Variants in ERCC3 observed in about 807,000 individuals in gnomAD.
The protein encoded by ERCC3 is ERCC excision repair 3, TFIIH core complex helicase subunit.
Under a neutral mutation model 94.2 loss-of-function variants are expected in ERCC3, and 66 were observed. That is an observed-to-expected ratio of 0.70 (90% CI 0.57 to 0.86). The LOEUF (loss-of-function observed/expected upper bound fraction) is 0.86, where lower values mean the gene tolerates loss of function less well. ERCC3 is among the 40% of genes least tolerant of loss of function. The probability of loss-of-function intolerance (pLI) is 0.00; values close to 1 mark genes in which losing one functional copy is unlikely to be tolerated. For synonymous variants in ERCC3, 349 were observed against 369.1 expected (o/e 0.95, Z 0.63); for missense variants, 829 against 987.1 (o/e 0.84, Z 2.15).
Position 127,259,431 on chromosome 2 carries a change from A to T in ERCC3, c.2082T>A (p.Ala694=). Reference sequence around the variant, plus strand: ...ACGCCAAGTCTTCCTCCTCCATGCCAGCGAGTTTCGTGATCACCTGCAAAG... The same window carrying T: ...ACGCCAAGTCTTCCTCCTCCATGCCTGCGAGTTTCGTGATCACCTGCAAAG... The part of the protein sequence containing the change: ...GYSFKVITKL[A]GMEEEDLAFS... Residue 694 remains alanine (A), a synonymous_variant, in exon 14 of 15, where the codon GCT becomes GCA. Coordinates refer to ENST00000285398, the MANE Select transcript of ERCC3 (RefSeq NM_000122.2). The surrounding 1 kb of genome is among the most constrained non-coding windows in gnomAD (Gnocchi z 4.9). 4 of 1,614,150 alleles carry T rather than the reference A, an allele frequency of 2.5e-6. No individual in the cohort carries two copies. Among genetic ancestry groups the T allele is most frequent in the Non-Finnish European group, 3.4e-6 (4 of 1,180,004 alleles).
At chr2:127,287,551 T>C (rs1305498502) in intron 7 of ERCC3, among the ~76,000 whole-genome samples, 2 of 152,144 alleles carry the variant, frequency 1.3e-5, no homozygotes, top group African/African-American at 4.8e-5. Flanking sequence ...GGAGAATATC[T>C]TGAACCCAGT....
At chr2:127,289,304 T>G (rs749337248) in intron 6 of ERCC3, 33 bp downstream of exon 6, 2 of 1,605,988 alleles carry the variant, frequency 1.2e-6, no homozygotes, top group Admixed American at 3.3e-5. Flanking sequence ...AGCAGCTCAG[T>G]GAAGGAACCA....
chr2:127,287,556 C>T (rs1434290329), intron 7 of ERCC3, among the ~76,000 whole-genome samples: 1 of 152,138 alleles, frequency 6.6e-6, no homozygotes, highest in Non-Finnish European at 1.5e-5. Flanking sequence ...ATATCTTGAA[C>T]CCAGTAGGCG....
intron 12 of ERCC3, among the ~76,000 whole-genome samples, chr2:127,265,963 G>C (rs1684345407): frequency 1.3e-5 from 2 of 152,008 alleles, no homozygotes; most frequent in Admixed American, 6.6e-5. Flanking sequence ...CTGTACCCCA[G>C]AGATTTAGTA....
rs971697310 is a variant in ERCC3 at position 127,271,852 on chromosome 2, T to G, written c.1828-399A>C. Among the ~76,000 whole-genome samples the G allele has an allele frequency of 2.6e-5, 4 of 152,088 alleles. No homozygotes were observed. The highest frequency in any genetic ancestry group is 9.7e-5 in the African/African-American group (4 of 41,410). On this transcript the variant is annotated intron_variant, in intron 11 of 14. Transcript: ENST00000285398. This position sits in a 1 kb window ranked among gnomAD's most constrained non-coding sequence, Gnocchi z 5.0. ...TGGCCACTGACACCAGCAGCACACGTGGGATGTGACCTGGGAGGAACAACT... is the reference window on the plus strand; with the variant it reads ...TGGCCACTGACACCAGCAGCACACGGGGGATGTGACCTGGGAGGAACAACT...
chr2:127,288,873 A>C lies in ERCC3; in HGVS notation c.823-9T>G. 37 of 1,604,180 alleles carry C rather than the reference A, an allele frequency of 2.3e-5. No homozygotes were observed. The highest frequency in any genetic ancestry group is 3.1e-5 in the Non-Finnish European group (36 of 1,171,652). ...AGTTCCTCAATCATTTCCTGGAAAG[A>C]GGGCACAAAAGGGGTTTTAAAATCT... On this transcript the variant is annotated splice_polypyrimidine_tract_variant and intron_variant, in intron 6 of 14. Transcript: ENST00000285398.
rs1684841857 is a variant in ERCC3 at position 127,279,539 on chromosome 2, A to G, written c.1528-164T>C. On this transcript the variant is annotated intron_variant, in intron 9 of 14. Coordinates refer to ENST00000285398, the MANE Select transcript of ERCC3 (RefSeq NM_000122.2). The surrounding 1 kb of genome is among the most constrained non-coding windows in gnomAD (Gnocchi z 4.7). The stretch of plus-strand genomic sequence containing the variant: ...CAGTTTGGGAGGCTGAGGCAGGCAG[A>G]TCACTTGAGGCCAGGAGTTCAAGAC... Among the ~76,000 whole-genome samples, 1 of 152,220 alleles carries G rather than the reference A, an allele frequency of 6.6e-6. No homozygotes were observed. Among genetic ancestry groups the G allele is most frequent in the Non-Finnish European group, 1.5e-5 (1 of 68,034 alleles).
intron 11 of ERCC3, among the ~76,000 whole-genome samples, chr2:127,272,153 T>C (rs4150493): frequency 0.012 from 1,866 of 151,204 alleles, 38 homozygotes; most frequent in African/African-American, 0.043. Flanking sequence ...GCCTCCTGAG[T>C]AGTTGGGATT....
At chr2:127,269,638 G>A (rs566285234) in intron 12 of ERCC3, among the ~76,000 whole-genome samples, 4 of 151,238 alleles carry the variant, frequency 2.6e-5, no homozygotes, top group African/African-American at 7.2e-5. Flanking sequence ...AGCCAGGATG[G>A]TCTCAATCTC....
In ERCC3 at chr2:127,291,098, A is replaced by G. The variant is rs55998967; in HGVS notation, c.472-825T>C. On this transcript the variant is annotated intron_variant, in intron 3 of 14. Coordinates refer to ENST00000285398, the MANE Select transcript of ERCC3 (RefSeq NM_000122.2). The surrounding 1 kb of genome is among the most constrained non-coding windows in gnomAD (Gnocchi z 4.9). Reference sequence around the variant, plus strand: ...CTCCGTCTCAAAAAAAAAGAAAAAAAAAATTTGCCAGTCAGACTTTGAGGG... The same window carrying G: ...CTCCGTCTCAAAAAAAAAGAAAAAAGAAATTTGCCAGTCAGACTTTGAGGG... 6.6e-6 allele frequency among the ~76,000 whole-genome samples: 1 copy of G among 151,716 alleles called. No individual in the cohort carries two copies. The highest frequency in any genetic ancestry group is 1.5e-5 in the Non-Finnish European group (1 of 67,912).
chr2:127,257,476 G>T lies in ERCC3; in HGVS notation c.*120C>A. Reference sequence around the variant, plus strand: ...CCAAGCCCTTGATGCATCTTCCTCAGCACAATTTGGCCAACGCTGGAGGGA... The same window carrying T: ...CCAAGCCCTTGATGCATCTTCCTCATCACAATTTGGCCAACGCTGGAGGGA... On this transcript the variant is annotated 3_prime_UTR_variant, in exon 15 of 15. Transcript: ENST00000285398. This position sits in a 1 kb window ranked among gnomAD's most constrained non-coding sequence, Gnocchi z 5.4. 7.9e-7 allele frequency: 1 copy of T among 1,258,740 alleles called. No homozygotes were observed. Among genetic ancestry groups the T allele is most frequent in the Non-Finnish European group, 1.2e-6 (1 of 858,528 alleles). The allele number at this position is 1,258,740 out of a possible 1,614,324, so 78.0% of individuals were successfully genotyped here. A position where few individuals can be genotyped will look rare whatever the true frequency, so the allele number is the denominator to read the frequency against.
intron 7 of ERCC3, among the ~76,000 whole-genome samples, chr2:127,288,446 T>C (rs1284978926): frequency 6.6e-6 from 1 of 152,170 alleles, no homozygotes; most frequent in Non-Finnish European, 1.5e-5. Context: ...AGGTCAGAAG[T>C]GTTGTTCTAG....
At chr2:127,290,484 G>A in intron 3 of ERCC3, 1 of 628,796 alleles carries the variant, frequency 1.6e-6, no homozygotes, top group East Asian at 2.8e-5. Flanking sequence ...TCTTGCCTGG[G>A]TAATTCTGAT....
chr2:127,260,928 T>G, intron 13 of ERCC3: 1 of 415,202 alleles, frequency 2.4e-6, no homozygotes, highest in South Asian at 2.3e-5. Context: ...TACCAGCTGA[T>G]GAAAGGAAGA....
intron 3 of ERCC3, chr2:127,292,001 GA>G (rs1427169798): frequency 9.8e-5 from 17 of 173,360 alleles, no homozygotes; most frequent in South Asian, 2.7e-4. Context: ...TGTGGAGGCT[GA>G]AAGTCTATGA....
At chr2:127,275,759 C>G (rs745506184) in intron 10 of ERCC3, among the ~76,000 whole-genome samples, 15 of 152,196 alleles carry the variant, frequency 9.9e-5, no homozygotes, top group African/African-American at 1.9e-4. Context: ...ACCAAGAAAA[C>G]AGGAGAAGAA....
intron 5 of ERCC3, 65 bp downstream of exon 5, chr2:127,289,622 GAC>G: frequency 6.2e-7 from 1 of 1,609,144 alleles, no homozygotes; most frequent in South Asian, 1.1e-5. Context: ...CTGGGTTAAA[GAC>G]ACCTGAGAGA....
At chr2:127,267,353 C>A (rs1684406778) in intron 12 of ERCC3, among the ~76,000 whole-genome samples, 1 of 151,630 alleles carries the variant, frequency 6.6e-6, no homozygotes, top group South Asian at 2.1e-4. Context: ...GTGTAATGAC[C>A]TTTTTGTCCT....
Position 127,280,329 on chromosome 2 carries a change from G to T in ERCC3, c.1527+118C>A. On this transcript the variant is annotated intron_variant, in intron 9 of 14. Coordinates refer to ENST00000285398, the MANE Select transcript of ERCC3 (RefSeq NM_000122.2). This position sits in a 1 kb window ranked among gnomAD's most constrained non-coding sequence, Gnocchi z 6.3. ...AGGGTGACTGAGGATCCTGTATGAAGTGGTAGCAGGTGAGCCTAAGTCCTG... is the reference window on the plus strand; with the variant it reads ...AGGGTGACTGAGGATCCTGTATGAATTGGTAGCAGGTGAGCCTAAGTCCTG... 1.1e-6 allele frequency: 1 copy of T among 894,684 alleles called. No homozygotes were observed. The highest frequency in any genetic ancestry group is 1.8e-6 in the Non-Finnish European group (1 of 549,818). The allele number at this position is 894,684 out of a possible 1,614,324, so 55.4% of individuals were successfully genotyped here. A position where few individuals can be genotyped will look rare whatever the true frequency, so the allele number is the denominator to read the frequency against.
Sources: gnomAD v4.1 joint callset for allele counts (sites outside exome capture counted in the v4.1 genomes callset) on GRCh38, gnomAD v4.1.1 for gene constraint, Gnocchi (gnomAD v3.1) non-coding constraint, MANE v1.5 for transcripts, NCBI Gene and HGNC (gene_info 2026-07-23, HGNC 2026-07-21) for gene names.